Variants in BAIAP2L1 observed in about 807,000 individuals in gnomAD.
The protein encoded by BAIAP2L1 is BAR/IMD domain-containing adapter protein 2-like 1.
Under a neutral mutation model 66.3 loss-of-function variants are expected in BAIAP2L1, and 35 were observed. The observed-to-expected ratio is 0.53, with a 90% confidence interval of 0.40 to 0.70. BAIAP2L1 has a LOEUF of 0.70. Ranked by LOEUF, BAIAP2L1 falls within the 30% of genes least tolerant of loss-of-function variation. BAIAP2L1 has a pLI of 0.00. For synonymous variants in BAIAP2L1, 269 were observed against 248.7 expected (o/e 1.08, Z -0.77); for missense variants, 622 against 656.9 (o/e 0.95, Z 0.58).
At chr7:98,354,428 A>T (rs540285450) in intron 3 of BAIAP2L1, among the ~76,000 whole-genome samples, 17 of 152,288 alleles carry the variant, frequency 1.1e-4, no homozygotes, top group African/African-American at 4.1e-4. Flanking sequence ...AAACATATTC[A>T]ACAAGTTTTT....
intron 11 of BAIAP2L1, among the ~76,000 whole-genome samples, chr7:98,305,137 C>T (rs1210450185): frequency 3.4e-5 from 5 of 149,104 alleles, no homozygotes; most frequent in South Asian, 2.1e-4. Flanking sequence ...GTGATCTGCC[C>T]GCCTCGGCCT....
At position 98,341,750 on chromosome 7, in the gene BAIAP2L1, T is replaced by C. The variant is rs900145133; in HGVS notation, c.214+13292A>G. Reference sequence around the variant, plus strand: ...GTCATGATGATTATAGGAGTTAATATTACATTTATAATGTGCTTAGAACTG... The same window carrying C: ...GTCATGATGATTATAGGAGTTAATACTACATTTATAATGTGCTTAGAACTG... On this transcript the variant is annotated intron_variant, in intron 3 of 13. Coordinates refer to ENST00000005260, the MANE Select transcript of BAIAP2L1 (RefSeq NM_018842.5). Among the ~76,000 whole-genome samples, 5 of 152,228 alleles carry C rather than the reference T, an allele frequency of 3.3e-5. No individual in the cohort carries two copies. The East Asian group carries it at 9.6e-4, about 29-fold the overall frequency.
At chr7:98,306,710 C>T (rs868307188) in intron 10 of BAIAP2L1, 194 bp from the exon 11 acceptor site, 7 of 836,394 alleles carry the variant, frequency 8.4e-6, no homozygotes, top group Middle Eastern at 7.3e-4. Flanking sequence ...GTATTGTTAA[C>T]AATTTTTTTT....
At chr7:98,354,979 C>T (rs1053940491) in intron 3 of BAIAP2L1, 63 bp downstream of exon 3, 28 of 1,244,962 alleles carry the variant, frequency 2.2e-5, no homozygotes, top group African/African-American at 5.9e-5. Flanking sequence ...CCATCCCACG[C>T]GTTTCTCTTG....
intron 1 of BAIAP2L1, among the ~76,000 whole-genome samples, chr7:98,371,573 T>C (rs1296502283): frequency 6.6e-6 from 1 of 152,230 alleles, no homozygotes; most frequent in African/African-American, 2.4e-5. Flanking sequence ...ATCATAATTA[T>C]GAATTAAGAA....
At chr7:98,302,039 G>A (rs953030087) in intron 12 of BAIAP2L1, among the ~76,000 whole-genome samples, 1 of 152,174 alleles carries the variant, frequency 6.6e-6, no homozygotes, top group African/African-American at 2.4e-5. Flanking sequence ...CCGTGCGCTG[G>A]CAGTCTCCCG....
intron 3 of BAIAP2L1, among the ~76,000 whole-genome samples, chr7:98,342,138 G>A (rs1334669055): frequency 3.6e-5 from 5 of 139,958 alleles, no homozygotes; most frequent in South Asian, 2.3e-4. Flanking sequence ...TGCAACCTCC[G>A]CCTCCCAGGT....
At chr7:98,354,884 T>G (rs1802083717) in intron 3 of BAIAP2L1, among the ~76,000 whole-genome samples, 158 bp downstream of exon 3, 1 of 152,164 alleles carries the variant, frequency 6.6e-6, no homozygotes, top group South Asian at 2.1e-4. Context: ...CAGCCCACCC[T>G]ACGACTAAGC....
chr7:98,322,593 C>T (rs1801279199), intron 3 of BAIAP2L1, among the ~76,000 whole-genome samples: 1 of 152,176 alleles, frequency 6.6e-6, no homozygotes, highest in Non-Finnish European at 1.5e-5. Flanking sequence ...TGGGGCATGG[C>T]GTGTGAAGTC....
At chr7:98,305,458 C>G (rs1042577563) in intron 11 of BAIAP2L1, among the ~76,000 whole-genome samples, 14 of 152,128 alleles carry the variant, frequency 9.2e-5, no homozygotes, top group Non-Finnish European at 1.8e-4. Flanking sequence ...CTGGGGAATG[C>G]AACGTCGGAC....
At chr7:98,365,653 T>C (rs1054538691) in intron 1 of BAIAP2L1, among the ~76,000 whole-genome samples, 1 of 152,012 alleles carries the variant, frequency 6.6e-6, no homozygotes, top group Admixed American at 6.6e-5. Flanking sequence ...TAATTTTTTG[T>C]ATTTTTGGTA....
Position 98,400,948 on chromosome 7 carries a change from G to C in BAIAP2L1, c.-96C>G, listed in dbSNP as rs1044040198. The C allele has an allele frequency of 1.8e-4, 205 of 1,154,062 alleles. 1 individual carries two copies. Among genetic ancestry groups the C allele is most frequent in the Non-Finnish European group, 2.2e-4 (193 of 886,226 alleles). 71.5% of individuals were successfully genotyped at this position (1,154,062 alleles called of 1,614,324 possible). A position where few individuals can be genotyped will look rare whatever the true frequency, so the allele number is the denominator to read the frequency against. On this transcript the variant is annotated 5_prime_UTR_variant, in exon 1 of 14. Coordinates refer to ENST00000005260, the MANE Select transcript of BAIAP2L1 (RefSeq NM_018842.5). Reference sequence around the variant, plus strand: ...CGGGAGGGCCGGGGCGCGACTAAGGGGCTCTGGAGGGTCGGCCGCCGCCGC... The same window carrying C: ...CGGGAGGGCCGGGGCGCGACTAAGGCGCTCTGGAGGGTCGGCCGCCGCCGC...
chr7:98,322,220 G>A (rs561917254), intron 3 of BAIAP2L1, among the ~76,000 whole-genome samples: 52 of 152,148 alleles, frequency 3.4e-4, no homozygotes, highest in African/African-American at 1.2e-3. Flanking sequence ...CCTCGGCTAT[G>A]ATCACCATAC....
At chr7:98,327,705 CCTGA>C (rs1276462845) in intron 3 of BAIAP2L1, among the ~76,000 whole-genome samples, 2 of 152,060 alleles carry the variant, frequency 1.3e-5, no homozygotes, top group Non-Finnish European at 2.9e-5. Flanking sequence ...ATTTTGTATT[CCTGA>C]CTATTCATCC....
intron 1 of BAIAP2L1, among the ~76,000 whole-genome samples, chr7:98,379,031 G>A (rs1465335234): frequency 4.6e-5 from 7 of 151,948 alleles, no homozygotes; most frequent in East Asian, 1.9e-4. Flanking sequence ...GGGTTTCACC[G>A]TGTTAGCCAG....
At chr7:98,294,702 G>A (rs576456290) in intron 12 of BAIAP2L1, among the ~76,000 whole-genome samples, 1 of 152,324 alleles carries the variant, frequency 6.6e-6, no homozygotes, top group South Asian at 2.1e-4. Flanking sequence ...TGTGCTTTTT[G>A]GGAGCTGACT....
Position 98,312,086 on chromosome 7 carries a change from C to T in BAIAP2L1, c.807+11G>A. The T allele has an allele frequency of 6.3e-7, 1 of 1,578,174 alleles. No homozygotes were observed. On this transcript the variant is annotated intron_variant, in intron 8 of 13. Transcript: ENST00000005260. ...CACGATTGAAATCTGGAAGAGAAAACTGGCTCCTACCACATTGCTTCTCTC... is the reference window on the plus strand; with the variant it reads ...CACGATTGAAATCTGGAAGAGAAAATTGGCTCCTACCACATTGCTTCTCTC...
At chr7:98,300,513 G>A (rs559308282) in intron 12 of BAIAP2L1, among the ~76,000 whole-genome samples, 1 of 152,206 alleles carries the variant, frequency 6.6e-6, no homozygotes, top group Non-Finnish European at 1.5e-5. Context: ...TCAGGAAAGC[G>A]TACTGATGTG....
chr7:98,400,932 C>G lies in BAIAP2L1; in HGVS notation c.-80G>C. ...GCCGGACTCCGGGCAGCGGGAGGGCCGGGGCGCGACTAAGGGGCTCTGGAG... is the reference window on the plus strand; with the variant it reads ...GCCGGACTCCGGGCAGCGGGAGGGCGGGGGCGCGACTAAGGGGCTCTGGAG... On this transcript the variant is annotated 5_prime_UTR_variant, in exon 1 of 14. Transcript: ENST00000005260. 1.5e-6 allele frequency: 2 copies of G among 1,371,814 alleles called. No individual in the cohort carries two copies. The highest frequency in any genetic ancestry group is 3.0e-5 in the Admixed American group (1 of 33,262). The allele number at this position is 1,371,814 out of a possible 1,614,324, so 85.0% of individuals were successfully genotyped here. A position where few individuals can be genotyped will look rare whatever the true frequency, so the allele number is the denominator to read the frequency against.
Sources: gnomAD v4.1 joint callset for allele counts (sites outside exome capture counted in the v4.1 genomes callset) on GRCh38, gnomAD v4.1.1 for gene constraint, MANE v1.5 for transcripts, NCBI Gene and HGNC (gene_info 2026-07-23, HGNC 2026-07-21) for gene names.